SERPINB8: variants seen among roughly 807,000 people sequenced by gnomAD.
SERPINB8 encodes serpin family B member 8.
A neutral mutation model predicts 35.3 loss-of-function variants in SERPINB8; 25 were observed. That is an observed-to-expected ratio of 0.71 (90% confidence interval 0.52 to 0.99). SERPINB8 has a LOEUF of 0.99. Among genes scored for constraint, SERPINB8 ranks in the 50% least tolerant of loss-of-function variants. The pLI is 0.00. For missense variants in SERPINB8, 484 were observed against 446.5 expected (o/e 1.08, Z -0.76); for synonymous variants, 186 against 160.8 (o/e 1.16, Z -1.19).
chr18:63,973,097 A>C (rs148722245), intron 1 of SERPINB8, among the ~76,000 whole-genome samples: 5,663 of 152,314 alleles, frequency 0.037, 159 homozygotes, highest in Non-Finnish European at 0.053. Flanking sequence ...ACTAGTTTAC[A>C]GTCCTACCAA....
downstream of SERPINB8, among the ~76,000 whole-genome samples, chr18:64,009,584 A>T (rs1350986167): frequency 6.6e-6 from 1 of 152,216 alleles, no homozygotes; most frequent in Non-Finnish European, 1.5e-5. Context: ...GGCATTAGAG[A>T]TCCGCAGGGA....
At chr18:64,013,736 A>T (rs1471367509) in intron 7 of SERPINB8, among the ~76,000 whole-genome samples, 1 of 152,204 alleles carries the variant, frequency 6.6e-6, no homozygotes, top group East Asian at 1.9e-4. Context: ...ACCATTTAAG[A>T]TCTAAATTTT....
intron 1 of SERPINB8, among the ~76,000 whole-genome samples, chr18:63,977,987 C>T (rs535797051): frequency 7.9e-5 from 12 of 152,302 alleles, no homozygotes; most frequent in African/African-American, 2.6e-4. Context: ...CCTCTGCTTC[C>T]GTCCTCATGT....
At chr18:64,016,844 A>G (rs1202963628) in intron 7 of SERPINB8, among the ~76,000 whole-genome samples, 1 of 152,084 alleles carries the variant, frequency 6.6e-6, no homozygotes, top group African/African-American at 2.4e-5. Context: ...TATGTTCTAA[A>G]CCTTGCTCTA....
At chr18:63,975,149 A>C in intron 1 of SERPINB8, among the ~76,000 whole-genome samples, 1 of 151,756 alleles carries the variant, frequency 6.6e-6, no homozygotes, top group Admixed American at 6.6e-5. Context: ...ACCCCAACCT[A>C]AGTTCATGCT....
At chr18:63,992,070 A>G (rs891388205), downstream of SERPINB8, among the ~76,000 whole-genome samples, 3 of 152,214 alleles carry the variant, frequency 2.0e-5, no homozygotes, top group Non-Finnish European at 4.4e-5. Flanking sequence ...ATCTCCATTC[A>G]TGAGAGACAT....
At chr18:64,017,735 G>T (rs2050957211) in intron 7 of SERPINB8, among the ~76,000 whole-genome samples, 1 of 152,154 alleles carries the variant, frequency 6.6e-6, no homozygotes, top group South Asian at 2.1e-4. Context: ...GATCATTAGA[G>T]ATAGCAGCAG....
chr18:63,991,238 G>T (rs1369258648), downstream of SERPINB8, among the ~76,000 whole-genome samples: 2 of 152,114 alleles, frequency 1.3e-5, no homozygotes, highest in African/African-American at 4.8e-5. Context: ...TAATTTGCTT[G>T]TTGACTTGTA....
At chr18:63,979,508 C>T (rs1356503455) in intron 2 of SERPINB8, among the ~76,000 whole-genome samples, 3 of 152,030 alleles carry the variant, frequency 2.0e-5, no homozygotes, top group African/African-American at 7.2e-5. Context: ...GGGACCCTTG[C>T]GAAGACCTGG....
At chr18:64,006,401 T>G (rs1411047762), downstream of SERPINB8, among the ~76,000 whole-genome samples, 1 of 152,182 alleles carries the variant, frequency 6.6e-6, no homozygotes, top group African/African-American at 2.4e-5. Flanking sequence ...ATATGAGGTC[T>G]TGAGAATGGG....
chr18:64,006,393 A>G (rs1351344718), downstream of SERPINB8, among the ~76,000 whole-genome samples: 1 of 152,198 alleles, frequency 6.6e-6, no homozygotes, highest in Non-Finnish European at 1.5e-5. Flanking sequence ...TTTGAGTTAT[A>G]TGAGGTCTTG....
chr18:63,983,275 G>A (rs76690948), intron 4 of SERPINB8, among the ~76,000 whole-genome samples: 1,859 of 152,278 alleles, frequency 0.012, 51 homozygotes, highest in African/African-American at 0.043. Context: ...TCTCAACTCA[G>A]CCACTTGTCA....
In SERPINB8 at chr18:63,986,313, A is replaced by G. The variant is rs547027300; in HGVS notation, c.721-561A>G. ...CTAACTCCAGGACAGGCAGAGGACA[A>G]ACAAGGATGCTGATGAAGTCTTCTT... On this transcript the variant is annotated intron_variant, in intron 6 of 6. Transcript: ENST00000397985. 6 of 1,608,410 alleles carry G rather than the reference A, an allele frequency of 3.7e-6. No homozygotes were observed. The South Asian group carries it at 4.5e-5, about 12-fold the overall frequency.
At chr18:63,979,045 C>A (rs1326708404) in intron 2 of SERPINB8, among the ~76,000 whole-genome samples, 3 of 152,156 alleles carry the variant, frequency 2.0e-5, no homozygotes, top group Admixed American at 6.5e-5. Context: ...AGTTCTCTGA[C>A]TATTGGTGAA....
chr18:63,970,931 T>C (rs1483674386), intron 1 of SERPINB8, among the ~76,000 whole-genome samples: 3 of 152,174 alleles, frequency 2.0e-5, no homozygotes, highest in Non-Finnish European at 2.9e-5. Context: ...CGGCGTTACT[T>C]TAACCAATTC....
chr18:63,977,350 G>A (rs1395651266), intron 1 of SERPINB8, among the ~76,000 whole-genome samples: 1 of 150,724 alleles, frequency 6.6e-6, no homozygotes, highest in African/African-American at 2.4e-5. Context: ...TTCCTGAGAT[G>A]GAGTCTCACT....
chr18:63,982,532 A>T (rs1408435602), intron 4 of SERPINB8, among the ~76,000 whole-genome samples: 1 of 152,188 alleles, frequency 6.6e-6, no homozygotes, highest in Admixed American at 6.5e-5. Context: ...CCAACCTAGC[A>T]CTCATTATTG....
downstream of SERPINB8, among the ~76,000 whole-genome samples, chr18:63,991,269 AT>A (rs750611355): frequency 8.4e-4 from 128 of 152,212 alleles, no homozygotes; most frequent in Non-Finnish European, 1.7e-3. Flanking sequence ...TGCAATTTTG[AT>A]TAGGACTGTG....
chr18:63,982,036 T>C (rs1452829277), intron 4 of SERPINB8, among the ~76,000 whole-genome samples, 198 bp downstream of exon 4: 1 of 152,182 alleles, frequency 6.6e-6, no homozygotes, highest in Non-Finnish European at 1.5e-5. Context: ...CTAAAACTAA[T>C]GTTGAATCTC....
Sources: allele counts gnomAD v4.1 joint callset (sites outside exome capture counted in the v4.1 genomes callset), GRCh38; gene constraint gnomAD v4.1.1; transcripts MANE v1.5; gene names NCBI Gene and HGNC (gene_info 2026-07-23, HGNC 2026-07-21).